PLXDC2: variants seen among roughly 807,000 people sequenced by gnomAD.
The protein encoded by PLXDC2 is plexin domain-containing protein 2.
A neutral mutation model predicts 68.9 loss-of-function variants in PLXDC2; 40 were observed. The observed-to-expected ratio is 0.58, with a 90% confidence interval of 0.45 to 0.76. The LOEUF is 0.76. PLXDC2 is among the 30% of genes least tolerant of loss of function. The pLI is 0.00. For missense variants in PLXDC2, 644 were observed against 661.9 expected (o/e 0.97, Z 0.30); for synonymous variants, 243 against 234.2 (o/e 1.04, Z -0.34).
At chr10:20,105,964 A>G (rs941549558) in intron 4 of PLXDC2, among the ~76,000 whole-genome samples, 3 of 152,242 alleles carry the variant, frequency 2.0e-5, no homozygotes, top group African/African-American at 4.8e-5. Context: ...TTGGCCTTGA[A>G]TAGTTTAAAA....
intron 1 of PLXDC2, among the ~76,000 whole-genome samples, chr10:19,899,970 A>C: frequency 6.6e-6 from 1 of 152,182 alleles, no homozygotes; most frequent in East Asian, 1.9e-4. Flanking sequence ...ATTATGTTTA[A>C]AGTCTTCAAG....
chr10:19,852,923 C>T (rs1837149361), intron 1 of PLXDC2, among the ~76,000 whole-genome samples: 1 of 152,094 alleles, frequency 6.6e-6, no homozygotes, highest in Non-Finnish European at 1.5e-5. Flanking sequence ...CTTAGTCTGG[C>T]ACAATAAAAT....
At chr10:20,038,162 G>A (rs949363321) in intron 2 of PLXDC2, among the ~76,000 whole-genome samples, 1 of 152,026 alleles carries the variant, frequency 6.6e-6, no homozygotes, top group Admixed American at 6.6e-5. Flanking sequence ...CTTGAACCTG[G>A]GAGATGGAGG....
intron 2 of PLXDC2, among the ~76,000 whole-genome samples, chr10:20,010,198 C>T (rs565038395): frequency 9.2e-5 from 14 of 152,248 alleles, no homozygotes; most frequent in South Asian, 6.2e-4. Flanking sequence ...GGTTGAGAAT[C>T]GGCCTTGTTT....
chr10:19,942,364 A>G (rs1377218394), intron 1 of PLXDC2, among the ~76,000 whole-genome samples: 1 of 152,190 alleles, frequency 6.6e-6, no homozygotes, highest in Admixed American at 6.5e-5. Context: ...TTTTAAGTAC[A>G]CTATCTTATG....
At chr10:19,954,106 A>G (rs567563294) in intron 1 of PLXDC2, among the ~76,000 whole-genome samples, 8 of 152,348 alleles carry the variant, frequency 5.3e-5, no homozygotes, top group Admixed American at 5.2e-4. Context: ...GGCAGAGATT[A>G]TGAGAATAAT....
At chr10:20,148,257 TTTAG>T (rs1253505759) in intron 6 of PLXDC2, among the ~76,000 whole-genome samples, 2 of 105,318 alleles carry the variant, frequency 1.9e-5, no homozygotes, top group Non-Finnish European at 4.0e-5. Flanking sequence ...ACGTATTTTC[TTTAG>T]TTAGTTTTTT....
chr10:20,037,342 A>G (rs1349734000), intron 2 of PLXDC2, among the ~76,000 whole-genome samples: 1 of 147,718 alleles, frequency 6.8e-6, no homozygotes, highest in Non-Finnish European at 1.5e-5. Flanking sequence ...TCTTTCTGGC[A>G]TCTTCTTTTT....
chr10:19,825,143 C>A (rs1836547364), intron 1 of PLXDC2, among the ~76,000 whole-genome samples: 1 of 152,152 alleles, frequency 6.6e-6, no homozygotes, highest in Non-Finnish European at 1.5e-5. Flanking sequence ...GGTCACAGGC[C>A]AAGATGCAGA....
At chr10:19,817,244 C>T in intron 1 of PLXDC2, 53 bp downstream of exon 1, 1 of 1,410,934 alleles carries the variant, frequency 7.1e-7, no homozygotes, top group Non-Finnish European at 9.8e-7. Flanking sequence ...GAAGACCTCT[C>T]TGGCACTCTC....
intron 1 of PLXDC2, among the ~76,000 whole-genome samples, chr10:19,878,412 A>G (rs1837673032): frequency 6.6e-6 from 1 of 152,182 alleles, no homozygotes; most frequent in Non-Finnish European, 1.5e-5. Flanking sequence ...TAAAAAATGT[A>G]TTTTCTTGGA....
intron 2 of PLXDC2, among the ~76,000 whole-genome samples, chr10:20,030,204 A>AAAC (rs1835476570): frequency 1.3e-5 from 2 of 151,824 alleles, no homozygotes; most frequent in Non-Finnish European, 1.5e-5. Context: ...CAAAACAAAC[A>AAAC]AACAAACAAG....
At chr10:20,223,395 C>T (rs1257796967) in intron 12 of PLXDC2, among the ~76,000 whole-genome samples, 2 of 149,794 alleles carry the variant, frequency 1.3e-5, no homozygotes, top group South Asian at 2.1e-4. Flanking sequence ...TCACTGCAGC[C>T]TCTGCCTCCT....
At chr10:19,907,381 C>T (rs57073633) in intron 1 of PLXDC2, among the ~76,000 whole-genome samples, 15,354 of 152,096 alleles carry the variant, frequency 0.1, 1,159 homozygotes, top group African/African-American at 0.21. Flanking sequence ...ATGTCCTCAC[C>T]CTCTCCCCAC....
chr10:20,052,216 T>A (rs1835915857), intron 3 of PLXDC2, among the ~76,000 whole-genome samples: 1 of 152,138 alleles, frequency 6.6e-6, no homozygotes, highest in Non-Finnish European at 1.5e-5. Context: ...ATTTTTTAAA[T>A]TCCCTACATT....
intron 12 of PLXDC2, among the ~76,000 whole-genome samples, chr10:20,233,853 C>G (rs1835396863): frequency 6.6e-6 from 1 of 152,098 alleles, no homozygotes; most frequent in African/African-American, 2.4e-5. Flanking sequence ...CATGGTCTAA[C>G]TCTGTCACCC....
At chr10:20,119,828 C>T (rs1833672761) in intron 4 of PLXDC2, among the ~76,000 whole-genome samples, 1 of 151,674 alleles carries the variant, frequency 6.6e-6, no homozygotes, top group Non-Finnish European at 1.5e-5. Context: ...AAACATTTGT[C>T]ATTTAGAATT....
rs1345369313 is a variant in PLXDC2 at position 19,966,496 on chromosome 10, TGATATA to T, written c.113-35270_113-35265del. On this transcript the variant is annotated intron_variant, in intron 1 of 13. Transcript: ENST00000377252. ...AGATGAGTAGACCAATGCAGCTGTA[TGATATA>T]GATATAGAAATAGATCCATATCATA... Among the ~76,000 whole-genome samples the T allele has an allele frequency of 1.2e-4, 5 of 41,288 alleles. No homozygotes were observed. In the South Asian group the frequency reaches 3.0e-3, roughly 25 times the overall value. The allele number at this position is 41,288 out of a possible 152,430, so 27.1% of individuals were successfully genotyped here. A position where few individuals can be genotyped will look rare whatever the true frequency, so the allele number is the denominator to read the frequency against.
At chr10:19,980,758 G>A (rs898854057) in intron 1 of PLXDC2, among the ~76,000 whole-genome samples, 1 of 152,160 alleles carries the variant, frequency 6.6e-6, no homozygotes, top group African/African-American at 2.4e-5. Context: ...TCAGAGATCA[G>A]GGTGTCAAAT....
Sources: gnomAD v4.1 joint callset for allele counts (sites outside exome capture counted in the v4.1 genomes callset) on GRCh38, gnomAD v4.1.1 for gene constraint, MANE v1.5 for transcripts, NCBI Gene and HGNC (gene_info 2026-07-23, HGNC 2026-07-21) for gene names.